TLK1: variants seen among roughly 807,000 people sequenced by gnomAD.
TLK1 encodes the protein tousled like kinase 1, also known as serine/threonine-protein kinase tousled-like 1.
TLK1 carries 24 observed loss-of-function variants against 105.3 expected under a neutral mutation model. The ratio of observed to expected loss-of-function variants is 0.23; its 90% CI spans 0.17 to 0.32. TLK1 has a LOEUF of 0.32. Ranked by LOEUF, TLK1 falls within the 10% of genes least tolerant of loss-of-function variation. TLK1 has a pLI of 1.00. For missense variants in TLK1, 558 were observed against 910.5 expected, an observed-to-expected ratio of 0.61 and a Z score of 4.98; for synonymous variants, 321 against 310.4, an observed-to-expected ratio of 1.03 and a Z score of -0.36.
chr2:170,998,557 G>A (rs1429300898), intron 18 of TLK1, among the ~76,000 whole-genome samples: 1 of 151,926 alleles, frequency 6.6e-6, no homozygotes, highest in African/African-American at 2.4e-5. Context: ...ACCCCCATAA[G>A]CCATCTTTTG....
chr2:171,119,317 A>G (rs939041883), intron 1 of TLK1, among the ~76,000 whole-genome samples: 4 of 152,198 alleles, frequency 2.6e-5, no homozygotes, highest in African/African-American at 9.6e-5. Context: ...GCAAAAACAT[A>G]AACAGTTCTA....
chr2:171,078,434 A>G (rs1688609779), intron 3 of TLK1, among the ~76,000 whole-genome samples: 1 of 152,106 alleles, frequency 6.6e-6, no homozygotes, highest in African/African-American at 2.4e-5. Flanking sequence ...GCTACTTGGG[A>G]GGCTGAGGCA....
At chr2:171,188,571 T>G (rs1439473924) in intron 1 of TLK1, among the ~76,000 whole-genome samples, 1 of 152,120 alleles carries the variant, frequency 6.6e-6, no homozygotes, top group East Asian at 1.9e-4. Flanking sequence ...CCGGGTGTGG[T>G]GGTGTGCACC....
At chr2:171,091,126 G>A (rs1359584317) in intron 2 of TLK1, among the ~76,000 whole-genome samples, 1 of 152,136 alleles carries the variant, frequency 6.6e-6, no homozygotes, top group Non-Finnish European at 1.5e-5. Flanking sequence ...GTATATGTCT[G>A]CTTTAGTACT....
intron 1 of TLK1, among the ~76,000 whole-genome samples, chr2:171,119,088 C>T (rs1268786068): frequency 6.6e-6 from 1 of 152,216 alleles, no homozygotes; most frequent in African/African-American, 2.4e-5. Context: ...AAGTACCCTA[C>T]CTCTCTGGCA....
At chr2:171,220,961 G>A (rs1229079239) in intron 1 of TLK1, among the ~76,000 whole-genome samples, 2 of 152,142 alleles carry the variant, frequency 1.3e-5, no homozygotes. Flanking sequence ...CAAGGTGGGA[G>A]GATCGCTTGA....
intron 2 of TLK1, among the ~76,000 whole-genome samples, chr2:171,108,005 C>A (rs1035877674): frequency 6.6e-6 from 1 of 150,682 alleles, no homozygotes; most frequent in Non-Finnish European, 1.5e-5. Flanking sequence ...TGCAGTGAGC[C>A]GAGATTGCGT....
chr2:171,055,153 G>A lies in TLK1; in HGVS notation c.569C>T (p.Ser190Phe), dbSNP rs146936998. 5 of 1,455,494 alleles carry A rather than the reference G, an allele frequency of 3.4e-6. No homozygotes were observed. The highest frequency in any genetic ancestry group is 4.5e-6 in the Non-Finnish European group (5 of 1,107,884). The allele number at this position is 1,455,494 out of a possible 1,614,324, so 90.2% of individuals were successfully genotyped here. A position where few individuals can be genotyped will look rare whatever the true frequency, so the allele number is the denominator to read the frequency against. The change falls in exon 7 of 21, where the codon TCT (serine) becomes TTT (phenylalanine). Residue 190 changes from serine to phenylalanine, a missense_variant. Physicochemically the swap from Ser to Phe is radical, Grantham distance 155. Coordinates refer to ENST00000431350, the MANE Select transcript of TLK1 (RefSeq NM_012290.5). ...GTCCCCAAATGCTAATGCAGTAGGAGAAGGGCTATTCGGTCGAACCTAAAG... is the reference window on the plus strand; with the variant it reads ...GTCCCCAAATGCTAATGCAGTAGGAAAAGGGCTATTCGGTCGAACCTAAAG... The part of the protein sequence containing the change: ...PSSSVRPNSP[S>F]PTALAFGDHP...
chr2:171,089,801 G>A (rs1465836873), intron 2 of TLK1, among the ~76,000 whole-genome samples: 2 of 152,102 alleles, frequency 1.3e-5, no homozygotes, highest in Non-Finnish European at 2.9e-5. Flanking sequence ...AACCTCTTAA[G>A]TAGCTGGGAT....
upstream of TLK1, among the ~76,000 whole-genome samples, chr2:171,162,164 C>T (rs1692519465): frequency 6.6e-6 from 1 of 152,182 alleles, no homozygotes; most frequent in South Asian, 2.1e-4. Context: ...TTAGTCTTGT[C>T]TGCTTTTCAA....
intron 11 of TLK1, among the ~76,000 whole-genome samples, chr2:171,036,607 T>C (rs754058): frequency 0.53 from 79,979 of 152,072 alleles, 23,937 homozygotes; most frequent in South Asian, 0.7. Context: ...CTTTTTGTTT[T>C]GAACAGAAAT....
chr2:171,133,758 ATTTT>A (rs552762859), intron 1 of TLK1, among the ~76,000 whole-genome samples: 1 of 144,422 alleles, frequency 6.9e-6, no homozygotes, highest in East Asian at 2.0e-4. Flanking sequence ...CAGACTTCTG[ATTTT>A]TTTTTTTTTT....
intron 8 of TLK1, among the ~76,000 whole-genome samples, chr2:171,052,386 T>C (rs1363975545): frequency 6.6e-6 from 1 of 152,188 alleles, no homozygotes; most frequent in East Asian, 1.9e-4. Flanking sequence ...ACAGAAAAAT[T>C]CTTTCATATG....
chr2:171,119,384 T>C (rs1193200386), intron 1 of TLK1, among the ~76,000 whole-genome samples: 1 of 152,204 alleles, frequency 6.6e-6, no homozygotes, highest in Admixed American at 6.5e-5. Flanking sequence ...CTCTCTTAAC[T>C]GCAAATATTC....
At chr2:171,001,343 A>C (rs191808457) in intron 18 of TLK1, among the ~76,000 whole-genome samples, 1 of 152,140 alleles carries the variant, frequency 6.6e-6, no homozygotes, top group Non-Finnish European at 1.5e-5. Context: ...TTGGGGACTC[A>C]TGGGCTCCTA....
chr2:171,076,929 GAAAGAAA>G (rs1688542757), intron 3 of TLK1, among the ~76,000 whole-genome samples: 1 of 151,528 alleles, frequency 6.6e-6, no homozygotes, highest in African/African-American at 2.4e-5. Context: ...AAGAAAGAAA[GAAAGAAA>G]GAAAAAAGAA....
At chr2:171,123,266 G>T (rs188205519) in intron 1 of TLK1, among the ~76,000 whole-genome samples, 1 of 151,996 alleles carries the variant, frequency 6.6e-6, no homozygotes, top group East Asian at 1.9e-4. Context: ...GCACAATCTC[G>T]GCTCACTACA....
At chr2:171,105,800 G>C (rs1352747082) in intron 2 of TLK1, among the ~76,000 whole-genome samples, 3 of 152,112 alleles carry the variant, frequency 2.0e-5, no homozygotes, top group Non-Finnish European at 2.9e-5. Context: ...AAAAAATATG[G>C]AGGCTCCTTA....
chr2:171,067,032 G>GTAA, intron 3 of TLK1: 1 of 1,468,562 alleles, frequency 6.8e-7, no homozygotes. Flanking sequence ...TCACAATGGA[G>GTAA]TAACATACTC....
Sources: allele counts gnomAD v4.1 joint callset (sites outside exome capture counted in the v4.1 genomes callset), GRCh38; gene constraint gnomAD v4.1.1; transcripts MANE v1.5; gene names NCBI Gene and HGNC (gene_info 2026-07-23, HGNC 2026-07-21).